Variants in SPARCL1 observed in about 807,000 individuals in gnomAD.
SPARCL1 encodes the protein SPARC like 1.
Under a neutral mutation model 67.1 loss-of-function variants are expected in SPARCL1, and 52 were observed. The ratio of observed to expected loss-of-function variants is 0.78; its 90% confidence interval spans 0.62 to 0.98. SPARCL1 has a LOEUF of 0.98. Among genes scored for constraint, SPARCL1 ranks in the 50% least tolerant of loss-of-function variants. SPARCL1 has a pLI of 0.00. For missense variants in SPARCL1, 717 were observed against 782.4 expected, an observed-to-expected ratio of 0.92 and a Z score of 1.00; for synonymous variants, 226 against 267.8, an observed-to-expected ratio of 0.84 and a Z score of 1.52.
intron 1 of SPARCL1, among the ~76,000 whole-genome samples, chr4:87,515,798 CCCATTAAGAG>C (rs1295938407): frequency 1.3e-5 from 2 of 152,188 alleles, no homozygotes; most frequent in African/African-American, 4.8e-5. Flanking sequence ...AAATAGGTCT[CCCATTAAGAG>C]CCAAACACCC....
chr4:87,480,418 G>A lies in SPARCL1; in HGVS notation c.1771C>T (p.Pro591Ser). The A allele has an allele frequency of 6.2e-7, 1 of 1,612,868 alleles. No individual in the cohort carries two copies. Among genetic ancestry groups the A allele is most frequent in the Non-Finnish European group, 8.5e-7 (1 of 1,179,414 alleles). ...AGTTCACTAAACTGCCAGTGCACAG[G>A]ATACACATACATGTGGTAGTTTTTC... The part of the protein sequence containing the change: ...FKKNYHMYVY[P>S]VHWQFSELDQ... The change falls in exon 9 of 11, where the codon CCT (proline) becomes TCT (serine). Residue 591 changes from proline to serine, a missense_variant. Physicochemically the swap from Pro to Ser is moderately conservative, Grantham distance 74 (BLOSUM62 -1). Transcript: ENST00000282470.
rs1479491725 is a variant in SPARCL1, at chr4:87,509,316, T to C, written c.-11-9731A>G. 2.6e-5 allele frequency among the ~76,000 whole-genome samples: 4 copies of C among 152,166 alleles called. No individual in the cohort carries two copies. The East Asian group carries it at 7.7e-4, about 29-fold the overall frequency. ...AAGCACATTATTGTAATCATTTCAC[T>C]AGTAAGGAAACTCGGGCATAAAGAT... On this transcript the variant is annotated intron_variant, in intron 1 of 10. Transcript: ENST00000282470.
At chr4:87,476,283 A>G (rs1723579951) in intron 10 of SPARCL1, among the ~76,000 whole-genome samples, 1 of 152,130 alleles carries the variant, frequency 6.6e-6, no homozygotes, top group African/African-American at 2.4e-5. Flanking sequence ...CATATTTCCT[A>G]TCAAATATTG....
intron 7 of SPARCL1, among the ~76,000 whole-genome samples, chr4:87,489,151 T>C (rs1724199913): frequency 6.6e-6 from 1 of 152,184 alleles, no homozygotes; most frequent in African/African-American, 2.4e-5. Flanking sequence ...AAAAAACTCC[T>C]GTAGCTAGCT....
chr4:87,508,085 G>A (rs951101599), intron 1 of SPARCL1, among the ~76,000 whole-genome samples: 2 of 152,190 alleles, frequency 1.3e-5, no homozygotes, highest in Admixed American at 1.3e-4. Flanking sequence ...CTTTTATGGA[G>A]ACTTCATGAA....
At chr4:87,497,300 AG>A (rs1361016502) in intron 2 of SPARCL1, 2 of 839,064 alleles carry the variant, frequency 2.4e-6, no homozygotes, top group East Asian at 1.2e-4. Flanking sequence ...GGGGAAAAGG[AG>A]AAAGAATGGT....
At chr4:87,491,315 C>T (rs1015927046) in intron 5 of SPARCL1, among the ~76,000 whole-genome samples, 1 of 152,146 alleles carries the variant, frequency 6.6e-6, no homozygotes, top group Non-Finnish European at 1.5e-5. Flanking sequence ...CAGCAAGTTA[C>T]AGATTTGAGA....
rs1264397486 is a variant in SPARCL1 at position 87,490,293 on chromosome 4, T to G, written c.1511A>C (p.Asp504Ala). Residue 504 changes from aspartate to alanine, a missense_variant, in exon 7 of 11, where the codon GAT (aspartate) becomes GCT (alanine). Physicochemically the swap from Asp to Ala is moderately radical, Grantham distance 126. Transcript: ENST00000282470. ...GTKKGHQLQLDYFGACKSIPT... is the reference protein window; with the variant it reads ...GTKKGHQLQLAYFGACKSIPT... ...CTTACATTTGCAGGCTCCAAAATAA[T>G]CCAGCTGGAGTTGATGCCCCTTTTT... 10 of 1,611,904 alleles carry G rather than the reference T, an allele frequency of 6.2e-6. No individual in the cohort carries two copies. The highest frequency in any genetic ancestry group is 7.6e-6 in the Non-Finnish European group (9 of 1,179,246).
intron 10 of SPARCL1, among the ~76,000 whole-genome samples, chr4:87,474,245 GGAA>G (rs1396581297): frequency 1.3e-5 from 2 of 152,148 alleles, no homozygotes; most frequent in African/African-American, 2.4e-5. Context: ...CCATACCTGT[GGAA>G]GAAGACAGCA....
rs1448530221 is a variant in SPARCL1, at chr4:87,494,194, C to A, written c.606G>T (p.Glu202Asp). Residue 202 changes from glutamate (E) to aspartate (D), a missense_variant, in exon 4 of 11, where the codon GAG becomes GAT. Coordinates refer to ENST00000282470, the MANE Select transcript of SPARCL1 (RefSeq NM_004684.6). Reference protein sequence around the residue: ...EQDPNISNGEEEEEKEPGEVG... With the variant: ...EQDPNISNGEDEEEKEPGEVG... ...CTTCACCTGGCTCTTTTTCTTCTTC[C>A]TCTTCTCCATTGGAAATATTTGGAT... 6.2e-7 allele frequency: 1 copy of A among 1,613,980 alleles called. No homozygotes were observed. The highest frequency in any genetic ancestry group is 1.1e-5 in the South Asian group (1 of 91,066).
At chr4:87,489,620 A>C (rs1234852810) in intron 7 of SPARCL1, among the ~76,000 whole-genome samples, 2 of 152,224 alleles carry the variant, frequency 1.3e-5, no homozygotes, top group Non-Finnish European at 2.9e-5. Context: ...GAGGATGGAG[A>C]ACCATACCCC....
chr4:87,477,864 C>A (rs1723643282), intron 10 of SPARCL1, among the ~76,000 whole-genome samples: 1 of 152,192 alleles, frequency 6.6e-6, no homozygotes, highest in African/African-American at 2.4e-5. Context: ...CACTATGCAG[C>A]ATAGACAACT....
At chr4:87,520,427 T>A (rs1725764655) in intron 1 of SPARCL1, among the ~76,000 whole-genome samples, 1 of 152,116 alleles carries the variant, frequency 6.6e-6, no homozygotes, top group South Asian at 2.1e-4. Context: ...TTTGCCTGAC[T>A]AATGGATCCT....
intron 1 of SPARCL1, among the ~76,000 whole-genome samples, chr4:87,505,166 A>G (rs1468212789): frequency 6.6e-6 from 1 of 152,194 alleles, no homozygotes; most frequent in Non-Finnish European, 1.5e-5. Context: ...CAAGTGATGA[A>G]CAATGAAGAG....
intron 2 of SPARCL1, among the ~76,000 whole-genome samples, chr4:87,498,353 T>C (rs991340949): frequency 2.0e-5 from 3 of 152,018 alleles, no homozygotes; most frequent in Non-Finnish European, 4.4e-5. Context: ...TAACAACTTA[T>C]CCAAAAAGCA....
chr4:87,494,787 C>T (rs1200922891), intron 3 of SPARCL1, among the ~76,000 whole-genome samples, 189 bp from the exon 4 acceptor site: 1 of 152,164 alleles, frequency 6.6e-6, no homozygotes, highest in Non-Finnish European at 1.5e-5. Context: ...AACAAGTATA[C>T]AGCAGCTCAG....
chr4:87,473,787 A>G lies in SPARCL1; in HGVS notation c.1983T>C (p.Asn661=). ...TTAAAATCTTCGTTCAAAACAAGAG[A>G]TTTTCATCTATGTCCTCTATAAAAA... ...FGIKEEDIDE[N]LLF Residue 661 remains asparagine, a synonymous_variant, in exon 11 of 11, where the codon AAT becomes AAC. Transcript: ENST00000282470. 6.2e-7 allele frequency: 1 copy of G among 1,609,396 alleles called. No homozygotes were observed. Among genetic ancestry groups the G allele is most frequent in the African/African-American group, 1.3e-5 (1 of 74,912 alleles).
Position 87,490,842 on chromosome 4 carries a change from A to T in SPARCL1, c.1328T>A (p.Ile443Asn). 2 of 1,610,846 alleles carry T rather than the reference A, an allele frequency of 1.2e-6. No individual in the cohort carries two copies. Among genetic ancestry groups the T allele is most frequent in the Non-Finnish European group, 1.7e-6 (2 of 1,178,404 alleles). ...CMSFQCKRGH[I>N]CKADQQGKPH... is the part of the protein sequence containing the mutation. ...TTTTCCCTGTTGGTCTGCCTTACAGATGTGGCCTCTTTTACACTGGAAGCT... is the reference window on the plus strand; with the variant it reads ...TTTTCCCTGTTGGTCTGCCTTACAGTTGTGGCCTCTTTTACACTGGAAGCT... Residue 443 changes from isoleucine (I) to asparagine (N), a missense_variant, in exon 6 of 11, where the codon ATC becomes AAC. Transcript: ENST00000282470.
At chr4:87,527,527 A>C (rs2110273848) in intron 1 of SPARCL1, among the ~76,000 whole-genome samples, 1 of 152,286 alleles carries the variant, frequency 6.6e-6, no homozygotes, top group Non-Finnish European at 1.5e-5. Flanking sequence ...AATGTTTTCA[A>C]GTTGTCCAGA....
Sources: gnomAD v4.1 joint callset for allele counts (sites outside exome capture counted in the v4.1 genomes callset) on GRCh38, gnomAD v4.1.1 for gene constraint, MANE v1.5 for transcripts, NCBI Gene and HGNC (gene_info 2026-07-23, HGNC 2026-07-21) for gene names.